SEMA6D: variants seen among roughly 807,000 people sequenced by gnomAD.
The protein encoded by SEMA6D is semaphorin 6D, also known as semaphorin-6D.
SEMA6D carries 35 observed loss-of-function variants against 106.6 expected under a neutral mutation model. That is an observed-to-expected ratio of 0.33 (90% CI 0.25 to 0.44). SEMA6D has a LOEUF of 0.44. Ranked by LOEUF, SEMA6D falls within the 20% of genes least tolerant of loss-of-function variation. SEMA6D has a pLI of 1.00. For missense variants in SEMA6D, 1,185 were observed against 1,345.9 expected (o/e 0.88, Z 1.87); for synonymous variants, 499 against 487.7 (o/e 1.02, Z -0.31).
intron 1 of SEMA6D, among the ~76,000 whole-genome samples, chr15:47,321,351 C>T (rs11852566): frequency 0.13 from 19,983 of 152,096 alleles, 1,486 homozygotes; most frequent in East Asian, 0.34. Context: ...TTTATTTGGA[C>T]ACTTTAGATA....
chr15:47,242,231 C>T (rs557855559), intron 1 of SEMA6D, among the ~76,000 whole-genome samples: 14 of 152,024 alleles, frequency 9.2e-5, no homozygotes, highest in African/African-American at 1.2e-4. Flanking sequence ...AAAGTAATTG[C>T]GGTTTTTGCC....
intron 1 of SEMA6D, among the ~76,000 whole-genome samples, chr15:47,217,272 G>A (rs1427761725): frequency 2.6e-5 from 4 of 152,150 alleles, no homozygotes; most frequent in African/African-American, 9.7e-5. Context: ...AAATTGGCAT[G>A]ATTAATCAAT....
intron 2 of SEMA6D, among the ~76,000 whole-genome samples, chr15:47,430,289 A>AG (rs2041480454): frequency 6.6e-6 from 1 of 152,022 alleles, no homozygotes. Context: ...ACCACAAAGG[A>AG]GGAGGGAAAC....
chr15:47,658,975 G>A (rs558121332), intron 4 of SEMA6D, among the ~76,000 whole-genome samples: 8 of 152,036 alleles, frequency 5.3e-5, no homozygotes, highest in South Asian at 2.1e-4. Context: ...TGATTTTTAC[G>A]AAGAAAACTT....
At chr15:47,617,139 A>T (rs1450104004) in intron 4 of SEMA6D, among the ~76,000 whole-genome samples, 1 of 152,178 alleles carries the variant, frequency 6.6e-6, no homozygotes, top group Non-Finnish European at 1.5e-5. Flanking sequence ...AGTCAAGTTC[A>T]GTCAAGATTT....
chr15:47,454,624 C>G (rs200148884), intron 2 of SEMA6D, among the ~76,000 whole-genome samples: 1 of 145,652 alleles, frequency 6.9e-6, no homozygotes, highest in Non-Finnish European at 1.5e-5. Context: ...CACACACACA[C>G]ACAGAGCTTT....
intron 3 of SEMA6D, among the ~76,000 whole-genome samples, chr15:47,532,347 A>T (rs1414797014): frequency 6.6e-6 from 1 of 152,228 alleles, no homozygotes; most frequent in African/African-American, 2.4e-5. Context: ...TAATTGCATG[A>T]AGTGCATCTG....
chr15:47,684,150 C>T (rs1435273374), intron 4 of SEMA6D, among the ~76,000 whole-genome samples: 1 of 152,158 alleles, frequency 6.6e-6, no homozygotes, highest in African/African-American at 2.4e-5. Context: ...ACATCAAACA[C>T]TGCCTACACT....
intron 2 of SEMA6D, among the ~76,000 whole-genome samples, chr15:47,430,550 T>G (rs749961147): frequency 4.6e-5 from 7 of 151,874 alleles, no homozygotes; most frequent in Non-Finnish European, 8.8e-5. Context: ...GTGGGCTGGG[T>G]CTCCTGGGTG....
At chr15:47,540,961 ATAGAG>A (rs2045336367) in intron 3 of SEMA6D, among the ~76,000 whole-genome samples, 1 of 152,192 alleles carries the variant, frequency 6.6e-6, no homozygotes, top group Non-Finnish European at 1.5e-5. Context: ...AGCTGATGGA[ATAGAG>A]TATAGGACAG....
intron 1 of SEMA6D, among the ~76,000 whole-genome samples, chr15:47,745,451 C>T (rs933355471): frequency 2.0e-4 from 31 of 152,254 alleles, no homozygotes; most frequent in African/African-American, 7.2e-4. Flanking sequence ...GTTCTCTACC[C>T]CGTACGCCAC....
chr15:47,597,798 A>G (rs1230819492), intron 3 of SEMA6D, among the ~76,000 whole-genome samples: 1 of 151,076 alleles, frequency 6.6e-6, no homozygotes, highest in Admixed American at 6.6e-5. Context: ...TAACTATTTA[A>G]GTTGATGGAT....
chr15:47,699,904 C>T (rs1947367736), intron 4 of SEMA6D, among the ~76,000 whole-genome samples: 2 of 152,040 alleles, frequency 1.3e-5, no homozygotes, highest in South Asian at 4.1e-4. Flanking sequence ...AAAACACCTC[C>T]TAGAACTAAT....
At position 47,730,368 on chromosome 15, in the gene SEMA6D, G is replaced by A. The variant is rs932619873; in HGVS notation, c.-55+12676G>A. On this transcript the variant is annotated intron_variant, in intron 1 of 18. Transcript: ENST00000536845. The stretch of plus-strand genomic sequence containing the variant: ...GTGCAGGTCTTCCTGTGGACTAGAC[G>A]TCCCAGTCTTGCCTTCCCCTTGATA... The A allele has an allele frequency of 4.8e-6, 7 of 1,444,906 alleles. No individual in the cohort carries two copies. In the Admixed American group the frequency reaches 1.0e-4, roughly 21 times the overall value. The allele number at this position is 1,444,906 out of a possible 1,614,324, so 89.5% of individuals were successfully genotyped here. A position where few individuals can be genotyped will look rare whatever the true frequency, so the allele number is the denominator to read the frequency against.
chr15:47,370,152 GA>G, intron 1 of SEMA6D, among the ~76,000 whole-genome samples: 1 of 152,284 alleles, frequency 6.6e-6, no homozygotes, highest in Middle Eastern at 3.4e-3. Context: ...AGTCTTTTGG[GA>G]TTTCAAGAAT....
At chr15:47,736,665 G>A (rs1266950348) in intron 1 of SEMA6D, among the ~76,000 whole-genome samples, 1 of 152,168 alleles carries the variant, frequency 6.6e-6, no homozygotes, top group Non-Finnish European at 1.5e-5. Context: ...CTTTAAGCAG[G>A]ATTTTGGAAT....
At chr15:47,523,520 G>C (rs1269672387) in intron 3 of SEMA6D, among the ~76,000 whole-genome samples, 2 of 152,098 alleles carry the variant, frequency 1.3e-5, no homozygotes, top group African/African-American at 2.4e-5. Context: ...AGAGCTCATC[G>C]TCCTCTCATG....
intron 4 of SEMA6D, among the ~76,000 whole-genome samples, chr15:47,616,164 C>CT (rs56275598): frequency 2.0e-3 from 296 of 146,476 alleles, no homozygotes; most frequent in Middle Eastern, 3.5e-3. Flanking sequence ...GACTTAAAAT[C>CT]TTTTTTTTTT....
At chr15:47,341,216 C>G (rs913861349) in intron 1 of SEMA6D, among the ~76,000 whole-genome samples, 1 of 151,996 alleles carries the variant, frequency 6.6e-6, no homozygotes, top group East Asian at 1.9e-4. Context: ...ATGGTGAAAC[C>G]CCATCTCTAC....
Sources: gnomAD v4.1 joint callset for allele counts (sites outside exome capture counted in the v4.1 genomes callset) on GRCh38, gnomAD v4.1.1 for gene constraint, MANE v1.5 for transcripts, NCBI Gene and HGNC (gene_info 2026-07-23, HGNC 2026-07-21) for gene names.